EXOC4: variants seen among roughly 807,000 people sequenced by gnomAD.
EXOC4 encodes exocyst complex component 4.
A neutral mutation model predicts 107.2 loss-of-function variants in EXOC4; 71 were observed. That is an observed-to-expected ratio of 0.66 (90% CI 0.55 to 0.81). The LOEUF is 0.81. EXOC4 is among the 30% of genes least tolerant of loss of function. The pLI, the probability that EXOC4 is intolerant of heterozygous loss-of-function variation, is 0.00. For synonymous variants in EXOC4, 456 were observed against 441.2 expected, an observed-to-expected ratio of 1.03 and a Z score of -0.42; for missense variants, 1,108 against 1,189.6, an observed-to-expected ratio of 0.93 and a Z score of 1.01.
intron 9 of EXOC4, among the ~76,000 whole-genome samples, chr7:133,589,204 G>A (rs1014396220): frequency 6.6e-5 from 10 of 152,032 alleles, no homozygotes; most frequent in African/African-American, 2.4e-4. Flanking sequence ...AAGAAAAATG[G>A]GTGGCCTTTA....
chr7:133,507,116 A>G (rs940877999), intron 9 of EXOC4, among the ~76,000 whole-genome samples: 1 of 152,166 alleles, frequency 6.6e-6, no homozygotes, highest in Non-Finnish European at 1.5e-5. Flanking sequence ...TTAAAAGACC[A>G]TAAAGTAAGT....
At chr7:133,441,260 G>A (rs923612693) in intron 7 of EXOC4, among the ~76,000 whole-genome samples, 3 of 152,114 alleles carry the variant, frequency 2.0e-5, no homozygotes, top group African/African-American at 4.8e-5. Flanking sequence ...GAAGGTACAC[G>A]GAATATGTGG....
At chr7:133,527,190 G>T (rs1025110101) in intron 9 of EXOC4, among the ~76,000 whole-genome samples, 2 of 151,950 alleles carry the variant, frequency 1.3e-5, no homozygotes, top group East Asian at 3.9e-4. Flanking sequence ...GATCACCTGA[G>T]GTCAGGAGTT....
intron 14 of EXOC4, among the ~76,000 whole-genome samples, chr7:133,949,695 C>G (rs1800643736): frequency 6.7e-6 from 1 of 148,680 alleles, no homozygotes; most frequent in Non-Finnish European, 1.5e-5. Context: ...AACAGTCCCT[C>G]TAATAGAGTA....
chr7:133,716,574 G>A (rs1377186750), intron 10 of EXOC4, among the ~76,000 whole-genome samples: 3 of 152,102 alleles, frequency 2.0e-5, no homozygotes, highest in African/African-American at 7.2e-5. Context: ...TATAGAAATG[G>A]AAATGCCCCC....
At chr7:133,861,753 C>T (rs939181089) in intron 11 of EXOC4, among the ~76,000 whole-genome samples, 34 of 152,064 alleles carry the variant, frequency 2.2e-4, no homozygotes, top group Admixed American at 2.2e-3. Context: ...AGGCTGGTCT[C>T]GAACTCCTGA....
intron 9 of EXOC4, among the ~76,000 whole-genome samples, chr7:133,542,565 G>A (rs1285786037): frequency 6.6e-6 from 1 of 152,172 alleles, no homozygotes; most frequent in Non-Finnish European, 1.5e-5. Flanking sequence ...TTGGGGTAAA[G>A]GTTCTGGCTT....
At chr7:133,749,086 C>T (rs2151136321) in intron 10 of EXOC4, among the ~76,000 whole-genome samples, 1 of 152,322 alleles carries the variant, frequency 6.6e-6, no homozygotes, top group African/African-American at 2.4e-5. Context: ...TGTTTTCATA[C>T]ATGAGAGATA....
At chr7:133,883,510 G>A (rs1320154240) in intron 11 of EXOC4, among the ~76,000 whole-genome samples, 1 of 151,498 alleles carries the variant, frequency 6.6e-6, no homozygotes, top group Non-Finnish European at 1.5e-5. Flanking sequence ...TGGTATGGTG[G>A]CCTCTGCCTG....
chr7:133,566,244 A>G lies in EXOC4; in HGVS notation c.1418-63801A>G, dbSNP rs748451305. Among the ~76,000 whole-genome samples, 70 of 152,340 alleles carry G rather than the reference A, an allele frequency of 4.6e-4. 1 individual carries two copies. Among genetic ancestry groups the G allele is most frequent in the Admixed American group, 3.1e-3 (47 of 15,292 alleles). On this transcript the variant is annotated intron_variant, in intron 9 of 17. Coordinates refer to ENST00000253861, the MANE Select transcript of EXOC4 (RefSeq NM_021807.4). ...GAGCCCAGGGTGAAACCTTAAACTCATCTGTGCTTTATCTATAATCCCTAT... is the reference window on the plus strand; with the variant it reads ...GAGCCCAGGGTGAAACCTTAAACTCGTCTGTGCTTTATCTATAATCCCTAT...
chr7:133,393,321 C>A (rs74852130), intron 7 of EXOC4, among the ~76,000 whole-genome samples: 2,207 of 152,262 alleles, frequency 0.014, 64 homozygotes, highest in African/African-American at 0.05. Flanking sequence ...AAATTTCTCA[C>A]AACTAGTCTT....
chr7:133,264,272 ATG>A (rs1296334418), intron 1 of EXOC4, among the ~76,000 whole-genome samples: 3 of 152,158 alleles, frequency 2.0e-5, no homozygotes. Flanking sequence ...GAAAAACTGT[ATG>A]TGTTGGGTGT....
chr7:133,609,796 C>T (rs1802036233), intron 9 of EXOC4, among the ~76,000 whole-genome samples: 2 of 152,334 alleles, frequency 1.3e-5, no homozygotes, highest in South Asian at 4.1e-4. Flanking sequence ...ATTCTGCTTT[C>T]AGTGACATCA....
At chr7:134,041,326 A>T (rs1013575047) in intron 17 of EXOC4, among the ~76,000 whole-genome samples, 6 of 152,212 alleles carry the variant, frequency 3.9e-5, no homozygotes, top group African/African-American at 1.4e-4. Context: ...TCTTAATAAA[A>T]ATGGCATAAG....
intron 17 of EXOC4, among the ~76,000 whole-genome samples, chr7:134,053,581 T>C (rs1051861485): frequency 3.3e-5 from 5 of 149,690 alleles, no homozygotes; most frequent in African/African-American, 1.2e-4. Flanking sequence ...TATTTAAATA[T>C]ATAATTTTAA....
chr7:133,421,278 A>G (rs1797597727), intron 7 of EXOC4, among the ~76,000 whole-genome samples: 1 of 152,192 alleles, frequency 6.6e-6, no homozygotes, highest in Non-Finnish European at 1.5e-5. Context: ...GTGTGTATCC[A>G]GAAGTCATGA....
rs76185786 is a variant in EXOC4, at chr7:133,564,687, C to G, written c.1418-65358C>G. 4.6e-3 allele frequency among the ~76,000 whole-genome samples: 695 copies of G among 152,168 alleles called. 24 individuals are homozygous for G. The East Asian group carries it at 0.077, about 17-fold the overall frequency. On this transcript the variant is annotated intron_variant, in intron 9 of 17. Coordinates refer to ENST00000253861, the MANE Select transcript of EXOC4 (RefSeq NM_021807.4). ...CCAGTCAAATGCTGAATTTTGATGACCAGTAGGAGGCAGACTAAGATTTTT... is the reference window on the plus strand; with the variant it reads ...CCAGTCAAATGCTGAATTTTGATGAGCAGTAGGAGGCAGACTAAGATTTTT...
chr7:133,802,270 A>G (rs1796962923), intron 10 of EXOC4, among the ~76,000 whole-genome samples: 1 of 152,226 alleles, frequency 6.6e-6, no homozygotes, highest in South Asian at 2.1e-4. Context: ...GGAAATAATT[A>G]TCACTGTCAA....
intron 9 of EXOC4, among the ~76,000 whole-genome samples, chr7:133,525,256 C>T (rs1034264710): frequency 5.9e-5 from 9 of 152,178 alleles, no homozygotes; most frequent in Non-Finnish European, 8.8e-5. Context: ...ATAGCCACTG[C>T]TGGTAGGCTA....
Sources: gnomAD v4.1 joint callset for allele counts (sites outside exome capture counted in the v4.1 genomes callset) on GRCh38, gnomAD v4.1.1 for gene constraint, MANE v1.5 for transcripts, NCBI Gene and HGNC (gene_info 2026-07-23, HGNC 2026-07-21) for gene names.